CD70: variants seen among roughly 807,000 people sequenced by gnomAD.
The protein encoded by CD70 is CD70 antigen.
CD70 carries 6 observed loss-of-function variants against 9.0 expected under a neutral mutation model. The ratio of observed to expected loss-of-function variants is 0.67; its 90% CI spans 0.37 to 1.32. The LOEUF (loss-of-function observed/expected upper bound fraction) is 1.32. Ranked by LOEUF, CD70 falls within the 40% of genes most tolerant of loss-of-function variation. The probability of loss-of-function intolerance (pLI) is 0.02; values close to 1 mark genes in which losing one functional copy is unlikely to be tolerated. For missense variants in CD70, 235 were observed against 258.7 expected, an observed-to-expected ratio of 0.91 and a Z score of 0.63; for synonymous variants, 108 against 112.3, an observed-to-expected ratio of 0.96 and a Z score of 0.24.
chr19:6,590,712 C>G lies in CD70; in HGVS notation c.162+129G>C, dbSNP rs1225305626. The G allele has an allele frequency of 1.4e-5, 12 of 842,518 alleles. No individual in the cohort carries two copies. In the East Asian group the frequency reaches 2.4e-4, roughly 17 times the overall value. 52.2% of individuals were successfully genotyped at this position (842,518 alleles called of 1,614,324 possible). A position where few individuals can be genotyped will look rare whatever the true frequency, so the allele number is the denominator to read the frequency against. On this transcript the variant is annotated intron_variant, in intron 1 of 2. Transcript: ENST00000245903. This position sits in a 1 kb window ranked among gnomAD's most constrained non-coding sequence, Gnocchi z 5.3. Reference sequence around the variant, plus strand: ...CCGGGCAGCCTGGTCCCCGCCTCGCCTCCCTGTTCTGGTCTCTGTCTCTGC... The same window carrying G: ...CCGGGCAGCCTGGTCCCCGCCTCGCGTCCCTGTTCTGGTCTCTGTCTCTGC...
intron 2 of CD70, among the ~76,000 whole-genome samples, chr19:6,589,298 CCTTT>C (rs1042182172): frequency 4.1e-5 from 6 of 147,794 alleles, no homozygotes; most frequent in African/African-American, 1.0e-4. Context: ...CTTTCTTTTT[CCTTT>C]CTCTCTCTCT....
Position 6,590,859 on chromosome 19 carries a change from C to T in CD70, c.144G>A (p.Leu48=). The T allele has an allele frequency of 1.9e-6, 3 of 1,613,148 alleles. No individual in the cohort carries two copies. Among genetic ancestry groups the T allele is most frequent in the Non-Finnish European group, 2.5e-6 (3 of 1,179,706 alleles). Residue 48 remains leucine (L), a synonymous_variant, in exon 1 of 3, where the codon CTG becomes CTA. Coordinates refer to ENST00000245903, the MANE Select transcript of CD70 (RefSeq NM_001252.5). The surrounding 1 kb of genome is among the most constrained non-coding windows in gnomAD (Gnocchi z 5.3). The part of the protein sequence containing the change: ...IQRFAQAQQQ[L]PLESLGWDVA... ...AACTCACCCCAAGTGACTCGAGCGG[C>T]AGCTGCTGCTGAGCCTGTGCGAAGC...
At chr19:6,582,531 A>G (rs544034181), downstream of CD70, among the ~76,000 whole-genome samples, 17 of 136,100 alleles carry the variant, frequency 1.2e-4, no homozygotes, top group African/African-American at 4.1e-4. Flanking sequence ...ACTCCACGAC[A>G]GGCCCCGGTG....
chr19:6,583,164 G>T, downstream of CD70: 1 of 462,976 alleles, frequency 2.2e-6, no homozygotes, highest in Non-Finnish European at 3.9e-6. Context: ...GGATTATCTG[G>T]CTTGGAATCC....
intron 2 of CD70, among the ~76,000 whole-genome samples, chr19:6,588,519 G>A (rs940197421): frequency 2.0e-5 from 3 of 152,172 alleles, no homozygotes; most frequent in Non-Finnish European, 4.4e-5. Context: ...GATGAACCGT[G>A]GAAAAACAGA....
chr19:6,583,506 G>A, downstream of CD70: 1 of 558,444 alleles, frequency 1.8e-6, no homozygotes, highest in Non-Finnish European at 3.3e-6. Context: ...TTGGTGAATT[G>A]TTTGGCAGCA....
At position 6,591,090 on chromosome 19, in the gene CD70, T is replaced by G; in HGVS notation, c.-88A>C. The stretch of plus-strand genomic sequence containing the variant: ...AGGAAGGAAGGAAACTGCAGCCCCC[T>G]CCCGGGGCTCCTGGGCGTCTACTTG... On this transcript the variant is annotated 5_prime_UTR_variant, in exon 1 of 3. Coordinates refer to ENST00000245903, the MANE Select transcript of CD70 (RefSeq NM_001252.5). 7.4e-7 allele frequency: 1 copy of G among 1,355,100 alleles called. No homozygotes were observed. Among genetic ancestry groups the G allele is most frequent in the South Asian group, 1.5e-5 (1 of 66,438 alleles). 83.9% of individuals were successfully genotyped at this position (1,355,100 alleles called of 1,614,324 possible).
chr19:6,584,266 T>C (rs1250713805), downstream of CD70, among the ~76,000 whole-genome samples: 2 of 151,396 alleles, frequency 1.3e-5, no homozygotes, highest in African/African-American at 4.8e-5. Flanking sequence ...TCCCAGCACT[T>C]TGGGAGGCCG....
Position 6,586,283 on chromosome 19 carries a change from G to A in CD70, c.319C>T (p.His107Tyr), listed in dbSNP as rs760732162. The change falls in exon 3 of 3, where the codon CAC becomes TAC. Residue 107 changes from histidine (H) to tyrosine (Y), a missense_variant. Physicochemically the swap from His to Tyr is moderately conservative, Grantham distance 83. Coordinates refer to ENST00000245903, the MANE Select transcript of CD70 (RefSeq NM_001252.5). Reference protein sequence around the residue: ...RIHRDGIYMVHIQVTLAICSS... With the variant: ...RIHRDGIYMVYIQVTLAICSS... ...CAGATGGCCAGCGTCACCTGGATGT[G>A]TACCATGTAGATGCCATCACGATGG... 6 of 1,613,948 alleles carry A rather than the reference G, an allele frequency of 3.7e-6. No individual in the cohort carries two copies. In the South Asian group the frequency reaches 6.6e-5, roughly 18 times the overall value.
At chr19:6,586,488 A>G in intron 2 of CD70, 83 bp from the exon 3 acceptor site, 1 of 1,377,586 alleles carries the variant, frequency 7.3e-7, no homozygotes. Context: ...AGTCAGATAT[A>G]GAGATCGAGA....
At position 6,591,128 on chromosome 19, in the gene CD70, A is replaced by G. The variant is rs1916150882; in HGVS notation, c.-126T>C. On this transcript the variant is annotated 5_prime_UTR_variant, in exon 1 of 3. Coordinates refer to ENST00000245903, the MANE Select transcript of CD70 (RefSeq NM_001252.5). ...GGGCGTCTACTTGCTTCAACCTGTC[A>G]GGGGACCAGCCTGCCCCTCTCTGGG... is the stretch of plus-strand genomic sequence containing the variant. The G allele has an allele frequency of 2.9e-6, 3 of 1,041,958 alleles. No homozygotes were observed. Among genetic ancestry groups the G allele is most frequent in the Non-Finnish European group, 4.0e-6 (3 of 748,360 alleles). 64.5% of individuals were successfully genotyped at this position (1,041,958 alleles called of 1,614,324 possible). A position where few individuals can be genotyped will look rare whatever the true frequency, so the allele number is the denominator to read the frequency against.
chr19:6,583,834 C>A (rs1281395057), downstream of CD70, among the ~76,000 whole-genome samples: 1 of 147,920 alleles, frequency 6.8e-6, no homozygotes, highest in Non-Finnish European at 1.5e-5. Context: ...CTCTTGTCAC[C>A]CAGGCTGGAG....
downstream of CD70, among the ~76,000 whole-genome samples, chr19:6,585,570 A>G (rs1323037356): frequency 6.6e-6 from 1 of 151,962 alleles, no homozygotes; most frequent in Non-Finnish European, 1.5e-5. Context: ...TTGAACTCCT[A>G]GGCTCAAGCG....
chr19:6,589,106 TC>T (rs1916091531), intron 2 of CD70, among the ~76,000 whole-genome samples: 1 of 130,256 alleles, frequency 7.7e-6, no homozygotes. Context: ...CTCTCTCTCC[TC>T]TCTCTCTCTC....
In CD70 at chr19:6,586,214, C is replaced by T. The variant is rs548095306; in HGVS notation, c.388G>A (p.Val130Met). The T allele has an allele frequency of 2.9e-5, 47 of 1,614,092 alleles. No homozygotes were observed. Among genetic ancestry groups the T allele is most frequent in the Middle Eastern group, 1.7e-4 (1 of 6,050 alleles). ...CGGGAGGCGGGAGAGCAGATTCCCA[C>T]GGCCAGGGTGGTGGGGTGGTGCCTG... The part of the protein sequence containing the change: ...ASRHHPTTLA[V>M]GICSPASRSI... Residue 130 changes from valine to methionine, a missense_variant, in exon 3 of 3, where the codon GTG becomes ATG. Transcript: ENST00000245903.
rs1321790902 is a variant in CD70, at chr19:6,585,877, G to T, written c.*143C>A. On this transcript the variant is annotated 3_prime_UTR_variant, in exon 3 of 3. Coordinates refer to ENST00000245903, the MANE Select transcript of CD70 (RefSeq NM_001252.5). ...TTTTAATAGGAAAATGAAAGAAAAA[G>T]CTCAATGCCTTCTCTTGTCCTGCCA... The T allele has an allele frequency of 3.4e-6, 2 of 595,246 alleles. No individual in the cohort carries two copies. Among genetic ancestry groups the T allele is most frequent in the Non-Finnish European group, 2.9e-6 (1 of 341,956 alleles). 36.9% of individuals were successfully genotyped at this position (595,246 alleles called of 1,614,324 possible).
chr19:6,582,486 C>G (rs1170243510), downstream of CD70, among the ~76,000 whole-genome samples: 1 of 151,370 alleles, frequency 6.6e-6, no homozygotes, highest in East Asian at 1.9e-4. Flanking sequence ...GGTATTTCTC[C>G]TAATGCTATC....
intron 2 of CD70, 22 bp from the exon 3 acceptor site, chr19:6,586,427 G>C: frequency 6.3e-7 from 1 of 1,579,812 alleles, no homozygotes; most frequent in South Asian, 1.1e-5. Flanking sequence ...GGGTTAGAGG[G>C]ATGAGAGGAT....
At position 6,591,037 on chromosome 19, in the gene CD70, G is replaced by T. The variant is rs1916148159; in HGVS notation, c.-35C>A. ...GATCACCTCCGCTAGCGCAGGAGGG[G>T]CGATGGGGGCGCGGAGCGCTGCCGA... On this transcript the variant is annotated 5_prime_UTR_variant, in exon 1 of 3. Coordinates refer to ENST00000245903, the MANE Select transcript of CD70 (RefSeq NM_001252.5). The T allele has an allele frequency of 1.9e-6, 3 of 1,554,976 alleles. No homozygotes were observed. The South Asian group carries it at 3.6e-5, about 19-fold the overall frequency.
Sources: allele counts gnomAD v4.1 joint callset (sites outside exome capture counted in the v4.1 genomes callset), GRCh38; gene constraint gnomAD v4.1.1; non-coding constraint Gnocchi (gnomAD v3.1); transcripts MANE v1.5; gene names NCBI Gene and HGNC (gene_info 2026-07-23, HGNC 2026-07-21).